YIPF1: variants seen among roughly 807,000 people sequenced by gnomAD.
YIPF1 encodes Yip1 domain family member 1.
YIPF1 carries 22 observed loss-of-function variants against 37.0 expected under a neutral mutation model. That is an observed-to-expected ratio of 0.59 (90% CI 0.42 to 0.85). The LOEUF is 0.85. YIPF1 is among the 40% of genes least tolerant of loss of function. The pLI is 0.00. For synonymous variants in YIPF1, 128 were observed against 131.9 expected, an observed-to-expected ratio of 0.97 and a Z score of 0.21; for missense variants, 355 against 373.1, an observed-to-expected ratio of 0.95 and a Z score of 0.40.
intron 6 of YIPF1, among the ~76,000 whole-genome samples, chr1:53,874,087 T>C (rs1167802069): frequency 1.3e-5 from 2 of 152,092 alleles, no homozygotes. Flanking sequence ...TTTGTCCCTC[T>C]CCTATTATCA....
intron 9 of YIPF1, among the ~76,000 whole-genome samples, chr1:53,863,459 T>C (rs1649938770): frequency 6.6e-6 from 1 of 152,174 alleles, no homozygotes; most frequent in African/African-American, 2.4e-5. Context: ...ATGGAGGGCT[T>C]TCACAGCCAG....
At chr1:53,857,502 T>TA (rs1361060319) in intron 10 of YIPF1, among the ~76,000 whole-genome samples, 3 of 152,108 alleles carry the variant, frequency 2.0e-5, no homozygotes. Context: ...AACATTTGTC[T>TA]AAAAAATGGG....
At chr1:53,858,123 C>T (rs958075858) in intron 10 of YIPF1, among the ~76,000 whole-genome samples, 11 of 152,086 alleles carry the variant, frequency 7.2e-5, no homozygotes, top group African/African-American at 2.4e-4. Context: ...AGGAGGGAAG[C>T]CCATGCTATT....
intron 7 of YIPF1, among the ~76,000 whole-genome samples, chr1:53,869,872 C>CCTTTTT (rs1557605642): frequency 7.9e-6 from 1 of 125,894 alleles, no homozygotes; most frequent in Admixed American, 7.9e-5. Flanking sequence ...TTTCTCCCCG[C>CCTTTTT]TTTTTTTTTT....
chr1:53,860,705 A>G (rs1194633817), intron 9 of YIPF1, among the ~76,000 whole-genome samples: 1 of 152,244 alleles, frequency 6.6e-6, no homozygotes, highest in Non-Finnish European at 1.5e-5. Context: ...GGCTTTCTGC[A>G]AATACCTTGA....
At position 53,883,222 on chromosome 1, in the gene YIPF1, T is replaced by C; in HGVS notation, c.86A>G (p.Asn29Ser). ...TGGGGTTTCACCAGGATCCTCAATG[T>C]TTACTGTGGTGGCATCTGGGTTTGC... ...LTANPDATTV[N>S]IEDPGETPKH... The change falls in exon 4 of 11, where the codon AAC (asparagine) becomes AGC (serine). Residue 29 changes from asparagine to serine, a missense_variant. Coordinates refer to ENST00000072644, the MANE Select transcript of YIPF1 (RefSeq NM_018982.5). 1 of 1,594,554 alleles carries C rather than the reference T, an allele frequency of 6.3e-7. No homozygotes were observed. The highest frequency in any genetic ancestry group is 8.5e-7 in the Non-Finnish European group (1 of 1,172,066).
chr1:53,871,178 T>G (rs1460870168), intron 7 of YIPF1, among the ~76,000 whole-genome samples, 194 bp downstream of exon 7: 2 of 152,142 alleles, frequency 1.3e-5, no homozygotes, highest in Non-Finnish European at 2.9e-5. Flanking sequence ...TTTACCACTG[T>G]AAGAAGAAAA....
At chr1:53,879,509 GA>G (rs1201580555) in intron 4 of YIPF1, among the ~76,000 whole-genome samples, 2 of 122,744 alleles carry the variant, frequency 1.6e-5, no homozygotes, top group Non-Finnish European at 3.4e-5. Context: ...TTACTACTCT[GA>G]CAAAAAAAAA....
At chr1:53,879,920 C>A (rs181633290) in intron 4 of YIPF1, among the ~76,000 whole-genome samples, 1 of 152,100 alleles carries the variant, frequency 6.6e-6, no homozygotes, top group Non-Finnish European at 1.5e-5. Flanking sequence ...CCAGGAGCAG[C>A]ACGGAGACAA....
At chr1:53,878,830 C>G (rs188555513) in intron 4 of YIPF1, 108 bp from the exon 5 acceptor site, 1 of 963,320 alleles carries the variant, frequency 1.0e-6, no homozygotes, top group East Asian at 2.9e-5. Context: ...ACGTTTGAAA[C>G]AATAGGCTCT....
intron 7 of YIPF1, among the ~76,000 whole-genome samples, chr1:53,869,330 T>TTGTG (rs140880938): frequency 8.6e-5 from 13 of 151,546 alleles, no homozygotes; most frequent in East Asian, 7.7e-4. Context: ...GCACATATTT[T>TTGTG]TGTGTGTGTG....
chr1:53,867,099 T>C (rs911082194), intron 7 of YIPF1, among the ~76,000 whole-genome samples, 175 bp from the exon 8 acceptor site: 3 of 152,196 alleles, frequency 2.0e-5, no homozygotes, highest in African/African-American at 7.2e-5. Flanking sequence ...TAACACACAG[T>C]AGGCACTTTA....
intron 8 of YIPF1, 42 bp from the exon 9 acceptor site, chr1:53,866,424 C>T (rs200414935): frequency 9.0e-5 from 143 of 1,593,228 alleles, no homozygotes; most frequent in Non-Finnish European, 1.0e-4. Flanking sequence ...TCTTGGGAGG[C>T]ATTTGTTCAT....
chr1:53,875,594 C>T (rs1432664634), intron 6 of YIPF1, among the ~76,000 whole-genome samples: 1 of 152,242 alleles, frequency 6.6e-6, no homozygotes, highest in Non-Finnish European at 1.5e-5. Flanking sequence ...AAAGTCCTCA[C>T]TGTGACTTAT....
intron 9 of YIPF1, among the ~76,000 whole-genome samples, chr1:53,863,014 G>A (rs1406320734): frequency 6.6e-6 from 1 of 152,156 alleles, no homozygotes; most frequent in South Asian, 2.1e-4. Flanking sequence ...ACCCAGGCAT[G>A]ATGGGCCCCT....
At position 53,860,200 on chromosome 1, in the gene YIPF1, C is replaced by T. The variant is rs117183913; in HGVS notation, c.832-47G>A. On this transcript the variant is annotated intron_variant, in intron 9 of 10. Coordinates refer to ENST00000072644, the MANE Select transcript of YIPF1 (RefSeq NM_018982.5). The stretch of plus-strand genomic sequence containing the variant: ...GGAGGGAGTTAAAAAGACAGTGGTC[C>T]GGGTAAGTGTTTTTTTAGACTCCAT... The T allele has an allele frequency of 1.1e-3, 1,739 of 1,592,450 alleles. 33 individuals carry two copies. The East Asian group carries it at 0.028, about 26-fold the overall frequency.
chr1:53,869,941 C>A (rs1207365164), intron 7 of YIPF1, among the ~76,000 whole-genome samples: 1 of 144,536 alleles, frequency 6.9e-6, no homozygotes, highest in Non-Finnish European at 1.5e-5. Context: ...AGCGTGATCT[C>A]GGCTCACTGC....
At chr1:53,883,321 C>G in intron 3 of YIPF1, 45 bp from the exon 4 acceptor site, 1 of 1,476,998 alleles carries the variant, frequency 6.8e-7, no homozygotes, top group Non-Finnish European at 9.0e-7. Flanking sequence ...CTTACCCACA[C>G]TAGAAATGCT....
chr1:53,870,081 G>A lies in YIPF1; in HGVS notation c.481+1291C>T, dbSNP rs537945547. 1.0e-4 allele frequency among the ~76,000 whole-genome samples: 15 copies of A among 149,324 alleles called. No individual in the cohort carries two copies. In the East Asian group the frequency reaches 1.6e-3, roughly 16 times the overall value. ...TCACCATGTTGGTCAGACTGGTCTC[G>A]AACTCCTGACCTTGTGATCCACCCA... On this transcript the variant is annotated intron_variant, in intron 7 of 10. Transcript: ENST00000072644.
Sources: gnomAD v4.1 joint callset for allele counts (sites outside exome capture counted in the v4.1 genomes callset) on GRCh38, gnomAD v4.1.1 for gene constraint, MANE v1.5 for transcripts, NCBI Gene and HGNC (gene_info 2026-07-23, HGNC 2026-07-21) for gene names.